The following TTC3 variants were observed in gnomAD, a reference collection of about 807,000 sequenced individuals.
TTC3 encodes the protein E3 ubiquitin-protein ligase TTC3.
In TTC3, 180 loss-of-function variants were observed where a neutral mutation model predicts 249.6. That is an observed-to-expected ratio of 0.72 (90% CI 0.64 to 0.82). The LOEUF (loss-of-function observed/expected upper bound fraction) is 0.82. TTC3 is among the 40% of genes least tolerant of loss of function. The probability of loss-of-function intolerance (pLI) is 0.00; values close to 1 mark genes in which losing one functional copy is unlikely to be tolerated. For missense variants in TTC3, 2,061 were observed against 2,398.4 expected (o/e 0.86, Z 2.94); for synonymous variants, 717 against 805.0 (o/e 0.89, Z 1.85).
chr21:37,117,645 G>A (rs936846694), intron 11 of TTC3, among the ~76,000 whole-genome samples: 5 of 151,810 alleles, frequency 3.3e-5, no homozygotes, highest in African/African-American at 1.2e-4. Context: ...CAGCACTTTG[G>A]GAGGGCAGGA....
chr21:37,150,178 A>G lies in TTC3; in HGVS notation c.2211+8A>G, dbSNP rs761583772. ...GGTGAAGTTAAATGTGAAGTAAGTA[A>G]TAAAGGGGAAACCTTGTTAGATAGA... On this transcript the variant is annotated splice_region_variant and intron_variant, in intron 24 of 45. Coordinates refer to ENST00000355666, the Ensembl canonical transcript of TTC3. The G allele has an allele frequency of 6.3e-6, 10 of 1,599,954 alleles. No individual in the cohort carries two copies. The highest frequency in any genetic ancestry group is 8.6e-6 in the Non-Finnish European group (10 of 1,169,196).
chr21:37,122,705 C>T (rs920595261), intron 12 of TTC3, among the ~76,000 whole-genome samples: 5 of 151,880 alleles, frequency 3.3e-5, no homozygotes, highest in Non-Finnish European at 7.4e-5. Flanking sequence ...ATGGTGAGCT[C>T]CTTGAAGACA....
chr21:37,179,611 T>G (rs1422224673), intron 35 of TTC3, among the ~76,000 whole-genome samples: 1 of 152,220 alleles, frequency 6.6e-6, no homozygotes, highest in African/African-American at 2.4e-5. Flanking sequence ...TATGGTATAG[T>G]AATTATCTTT....
chr21:37,172,529 A>T (rs2081895593), intron 34 of TTC3, 66 bp from the exon 35 acceptor site: 1 of 1,501,150 alleles, frequency 6.7e-7, no homozygotes, highest in Non-Finnish European at 8.9e-7. Context: ...AGAAACAGTA[A>T]AGAACAAGAT....
At chr21:37,089,192 G>T (rs1232911278) in intron 5 of TTC3, among the ~76,000 whole-genome samples, 7 of 152,198 alleles carry the variant, frequency 4.6e-5, no homozygotes, top group Admixed American at 4.6e-4. Context: ...TTCTGAAAGT[G>T]ATGTGCTCTA....
chr21:37,104,985 A>G (rs2074933914), intron 10 of TTC3, among the ~76,000 whole-genome samples: 1 of 152,222 alleles, frequency 6.6e-6, no homozygotes, highest in African/African-American at 2.4e-5. Context: ...CCTTGAACAC[A>G]TATGGCCAAT....
intron 16 of TTC3, among the ~76,000 whole-genome samples, chr21:37,130,504 G>A (rs3787788): frequency 0.53 from 80,936 of 151,856 alleles, 22,176 homozygotes; most frequent in African/African-American, 0.64. Context: ...GGATAACCAC[G>A]TAAAACACTT....
intron 35 of TTC3, among the ~76,000 whole-genome samples, chr21:37,179,941 G>A (rs1487004342): frequency 1.3e-5 from 2 of 152,240 alleles, no homozygotes; most frequent in Non-Finnish European, 2.9e-5. Context: ...TTCTCTATCA[G>A]CCTACATCAG....
chr21:37,096,734 T>C, intron 10 of TTC3, 91 bp downstream of exon 10: 1 of 937,906 alleles, frequency 1.1e-6, no homozygotes, highest in African/African-American at 1.6e-5. Flanking sequence ...TACAAGAAAA[T>C]CCTTGACTGG....
At chr21:37,176,621 T>A (rs867440157) in intron 35 of TTC3, among the ~76,000 whole-genome samples, 10 of 152,348 alleles carry the variant, frequency 6.6e-5, no homozygotes, top group Admixed American at 2.0e-4. Context: ...CAGCCTTTTT[T>A]AAATCTATCA....
chr21:37,167,012 C>T (rs756187937), intron 33 of TTC3, among the ~76,000 whole-genome samples: 7 of 152,254 alleles, frequency 4.6e-5, no homozygotes, highest in Non-Finnish European at 5.9e-5. Context: ...GAGGGCCCAC[C>T]TGGAGGCCTT....
At chr21:37,106,214 T>C (rs2075064819) in intron 10 of TTC3, among the ~76,000 whole-genome samples, 1 of 152,256 alleles carries the variant, frequency 6.6e-6, no homozygotes, top group African/African-American at 2.4e-5. Context: ...ATATTCTCTT[T>C]TGTGAAGTGC....
chr21:37,151,799 G>C, intron 25 of TTC3, 94 bp from the exon 26 acceptor site: 4 of 1,370,676 alleles, frequency 2.9e-6, no homozygotes, highest in Non-Finnish European at 3.8e-6. Flanking sequence ...GATTAAAAAA[G>C]GAAAACTTCT....
At chr21:37,148,445 AAT>A in intron 22 of TTC3, 99 bp from the exon 23 acceptor site, 1 of 535,158 alleles carries the variant, frequency 1.9e-6, no homozygotes, top group Non-Finnish European at 3.3e-6. Context: ...TGTGGAAATA[AAT>A]ATGTTAGTCA....
chr21:37,114,269 A>C (rs1011180883), intron 11 of TTC3, among the ~76,000 whole-genome samples: 7 of 152,136 alleles, frequency 4.6e-5, no homozygotes, highest in African/African-American at 1.7e-4. Flanking sequence ...AAATGGGAGA[A>C]AATTTTTGCA....
intron 27 of TTC3, among the ~76,000 whole-genome samples, chr21:37,154,398 C>T (rs1223865920): frequency 6.6e-6 from 1 of 152,224 alleles, no homozygotes; most frequent in African/African-American, 2.4e-5. Context: ...CATAGTTAGA[C>T]AGCTGAACAT....
At position 37,160,762 on chromosome 21, in the gene TTC3, GTTAT is replaced by G. The variant is rs58473766; in HGVS notation, c.3040-37_3040-34del. 3.7e-4 allele frequency: 599 copies of G among 1,601,454 alleles called. 7 individuals carry two copies. In the East Asian group the frequency reaches 0.012, roughly 31 times the overall value. ...TCTTTATGTTGAGCTTCATAATGCTGTTATTTGAGTGTTCACTGATTTTTCCCCC... is the reference window on the plus strand; with the variant it reads ...TCTTTATGTTGAGCTTCATAATGCTGTTGAGTGTTCACTGATTTTTCCCCC... On this transcript the variant is annotated intron_variant, in intron 29 of 45. Transcript: ENST00000355666.
intron 42 of TTC3, among the ~76,000 whole-genome samples, chr21:37,196,976 C>A (rs181204193): frequency 6.6e-6 from 1 of 152,144 alleles, no homozygotes; most frequent in African/African-American, 2.4e-5. Context: ...CAGGTTGTTA[C>A]GAGGGGGACA....
At chr21:37,124,406 T>C (rs1196849961) in intron 13 of TTC3, among the ~76,000 whole-genome samples, 1 of 152,138 alleles carries the variant, frequency 6.6e-6, no homozygotes, top group African/African-American at 2.4e-5. Flanking sequence ...CGTGAACCAC[T>C]GCACCCAGCC....
Sources: gnomAD v4.1 joint callset for allele counts (sites outside exome capture counted in the v4.1 genomes callset) on GRCh38, gnomAD v4.1.1 for gene constraint, MANE v1.5 for transcripts, NCBI Gene and HGNC (gene_info 2026-07-23, HGNC 2026-07-21) for gene names.